The following RP2 variants were observed in gnomAD, a reference collection of about 807,000 sequenced individuals.
RP2 encodes RP2 activator of ARL3 GTPase.
Under a neutral mutation model 20.3 loss-of-function variants are expected in RP2, and 3 were observed. The observed-to-expected ratio is 0.15, with a 90% CI of 0.07 to 0.38. The LOEUF is 0.38. Among genes scored for constraint, RP2 ranks in the 10% least tolerant of loss-of-function variants. The probability of loss-of-function intolerance (pLI) is 1.00; values close to 1 mark genes in which losing one functional copy is unlikely to be tolerated. For missense variants in RP2, 233 were observed against 268.5 expected (o/e 0.87, Z 0.92); for synonymous variants, 75 against 94.8 (o/e 0.79, Z 1.22).
intron 3 of RP2, among the ~76,000 whole-genome samples, chrX:46,872,629 ATC>A (rs1925310747): frequency 9.0e-6 from 1 of 111,493 alleles, no homozygotes; most frequent in Non-Finnish European, 1.9e-5. Context: ...CTTCCTTCTC[ATC>A]TCTGTGTCAT....
chrX:46,876,493 C>T (rs1220738597), intron 3 of RP2, among the ~76,000 whole-genome samples: 1 of 111,361 alleles, frequency 9.0e-6, no homozygotes, highest in African/African-American at 3.3e-5. Flanking sequence ...AAGTTATATG[C>T]AAATACTATA....
chrX:46,877,439 A>G (rs1925388424), intron 3 of RP2, 66 bp from the exon 4 acceptor site: 3 of 802,360 alleles, frequency 3.7e-6, no homozygotes, highest in Non-Finnish European at 5.7e-6. Flanking sequence ...AGGGAAGAAT[A>G]AAAAGATTAA....
intron 1 of RP2, among the ~76,000 whole-genome samples, 188 bp downstream of exon 1, chrX:46,837,390 C>T (rs1340288620): frequency 9.0e-6 from 1 of 111,534 alleles, no homozygotes; most frequent in African/African-American, 3.3e-5. Context: ...AGAGGCCGCC[C>T]AGAGGGCTGT....
At chrX:46,848,615 C>G (rs1924801615) in intron 1 of RP2, among the ~76,000 whole-genome samples, 1 of 108,105 alleles carries the variant, frequency 9.3e-6, no homozygotes, top group African/African-American at 3.3e-5. Context: ...AACTCCTGAC[C>G]TCAGGTGATC....
At chrX:46,874,474 A>G (rs1014988683) in intron 3 of RP2, among the ~76,000 whole-genome samples, 1 of 110,873 alleles carries the variant, frequency 9.0e-6, no homozygotes, top group African/African-American at 3.3e-5. Context: ...TCATTTTGCA[A>G]ATTTCCAAAT....
intron 1 of RP2, among the ~76,000 whole-genome samples, chrX:46,838,373 C>A: frequency 9.0e-6 from 1 of 111,709 alleles, no homozygotes. Flanking sequence ...TAGTCATACT[C>A]GATAGTAGCA....
intron 2 of RP2, among the ~76,000 whole-genome samples, chrX:46,854,782 T>G (rs1213941454): frequency 1.8e-5 from 2 of 110,803 alleles, no homozygotes; most frequent in African/African-American, 3.3e-5. Flanking sequence ...TTTTTTTTTT[T>G]TGTGACGGGG....
intron 1 of RP2, among the ~76,000 whole-genome samples, chrX:46,848,952 C>T (rs941726793): frequency 1.5e-4 from 16 of 107,933 alleles, no homozygotes; most frequent in East Asian, 9.2e-4. Flanking sequence ...ATTGCTTGAA[C>T]GGTGGAGGTC....
intron 4 of RP2, among the ~76,000 whole-genome samples, chrX:46,878,281 G>A (rs1925408711): frequency 9.3e-6 from 1 of 107,489 alleles, no homozygotes; most frequent in African/African-American, 3.4e-5. Flanking sequence ...GGAGGCTGAG[G>A]CAGGAGAATG....
chrX:46,838,367 C>T (rs1924553321), intron 1 of RP2, among the ~76,000 whole-genome samples: 1 of 111,890 alleles, frequency 8.9e-6, no homozygotes, highest in Non-Finnish European at 1.9e-5. Context: ...CTCTGTTAGT[C>T]ATACTCGATA....
intron 3 of RP2, among the ~76,000 whole-genome samples, chrX:46,875,310 T>A (rs1290178894): frequency 9.2e-6 from 1 of 108,916 alleles, no homozygotes; most frequent in Non-Finnish European, 1.9e-5. Context: ...TTTTTTTTTT[T>A]AGCAAACTTA....
intron 3 of RP2, among the ~76,000 whole-genome samples, chrX:46,866,296 T>G: frequency 8.9e-6 from 1 of 111,956 alleles, no homozygotes; most frequent in Non-Finnish European, 1.9e-5. Flanking sequence ...TTCTAGGCCC[T>G]TTCAACAGAC....
At chrX:46,870,961 T>G (rs2147087243) in intron 3 of RP2, among the ~76,000 whole-genome samples, 1 of 110,507 alleles carries the variant, frequency 9.0e-6, no homozygotes, top group Non-Finnish European at 1.9e-5. Flanking sequence ...GTTTGGCAAA[T>G]TATGGCCCAC....
chrX:46,876,667 G>A (rs917404566), intron 3 of RP2, among the ~76,000 whole-genome samples: 1 of 110,907 alleles, frequency 9.0e-6, no homozygotes, highest in Non-Finnish European at 1.9e-5. Flanking sequence ...GATGCCCAAT[G>A]TAGTGTAACC....
rs1602356201 is a variant in RP2, at chrX:46,879,845, T to G, written c.*76T>G. The G allele has an allele frequency of 6.6e-6, 4 of 608,548 alleles. No individual in the cohort carries two copies. Among genetic ancestry groups the G allele is most frequent in the Non-Finnish European group, 1.1e-5 (4 of 380,782 alleles). The allele number at this position is 608,548 out of a possible 1,213,427, so 50.2% of individuals were successfully genotyped here. A position where few individuals can be genotyped will look rare whatever the true frequency, so the allele number is the denominator to read the frequency against. ...TATAGAATTTGATAATACACTTTTG[T>G]GTATTAGCAATGGTTTTTACTAATG... is the stretch of plus-strand genomic sequence containing the variant. On this transcript the variant is annotated 3_prime_UTR_variant, in exon 5 of 5. Coordinates refer to ENST00000218340, the MANE Select transcript of RP2 (RefSeq NM_006915.3).
intron 1 of RP2, 63 bp downstream of exon 1, chrX:46,837,265 G>A: frequency 9.5e-7 from 1 of 1,057,414 alleles, no homozygotes; most frequent in Non-Finnish European, 1.3e-6. Context: ...GTCCCTTACG[G>A]CCCGGGACCG....
intron 1 of RP2, among the ~76,000 whole-genome samples, chrX:46,839,573 T>C (rs1055474144): frequency 5.4e-5 from 6 of 110,167 alleles, no homozygotes; most frequent in African/African-American, 2.0e-4. Context: ...AATAAATAAA[T>C]AAAATATTTT....
At chrX:46,857,778 T>C (rs150020457) in intron 2 of RP2, among the ~76,000 whole-genome samples, 126 of 111,981 alleles carry the variant, frequency 1.1e-3, no homozygotes, top group African/African-American at 3.7e-3. Context: ...ATATAGTTTA[T>C]TATTTAGGTA....
chrX:46,881,684 A>C lies in RP2; in HGVS notation c.*1915A>C, dbSNP rs1355973082. 1 of 110,598 alleles carries C rather than the reference A, an allele frequency of 9.0e-6. No individual in the cohort carries two copies. The highest frequency in any genetic ancestry group is 1.9e-5 in the Non-Finnish European group (1 of 52,982). The allele number at this position is 110,598 out of a possible 1,213,427, so 9.1% of individuals were successfully genotyped here. A position where few individuals can be genotyped will look rare whatever the true frequency, so the allele number is the denominator to read the frequency against. ...GAGATGGGGTTTTTCCACGTTGGTC[A>C]GGCTGGTCTCGAACTCCTGACCTCA... On this transcript the variant is annotated 3_prime_UTR_variant, in exon 5 of 5. Transcript: ENST00000218340.
Sources: gnomAD v4.1 joint callset for allele counts (sites outside exome capture counted in the v4.1 genomes callset) on GRCh38, gnomAD v4.1.1 for gene constraint, MANE v1.5 for transcripts, NCBI Gene and HGNC (gene_info 2026-07-23, HGNC 2026-07-21) for gene names.